DIP2B: variants seen among roughly 807,000 people sequenced by gnomAD.
DIP2B encodes the protein DIP2 acetate--CoA ligase B (putative), also known as disco-interacting protein 2 homolog B.
DIP2B carries 76 observed loss-of-function variants against 198.0 expected under a neutral mutation model. That is an observed-to-expected ratio of 0.38 (90% confidence interval 0.32 to 0.46). DIP2B has a LOEUF of 0.46. DIP2B is among the 20% of genes least tolerant of loss of function. The pLI is 0.99. For synonymous variants in DIP2B, 701 were observed against 739.1 expected (o/e 0.95, Z 0.84); for missense variants, 1,559 against 1,978.4 (o/e 0.79, Z 4.02).
chr12:50,741,432 GTAT>G lies in DIP2B; in HGVS notation c.4372_4374del (p.Tyr1458del). On this transcript the variant is annotated inframe_deletion, in exon 37 of 38. Transcript: ENST00000301180. Reference sequence around the variant, plus strand: ...TTCTGTCAGAGCGTCATGATGCATTGTATGTGGTGGGAGCGCTGGATGAAACAC... The same window carrying G: ...TTCTGTCAGAGCGTCATGATGCATTGGTGGTGGGAGCGCTGGATGAAACAC... 6.2e-7 allele frequency: 1 copy of G among 1,613,982 alleles called. No homozygotes were observed. The highest frequency in any genetic ancestry group is 8.5e-7 in the Non-Finnish European group (1 of 1,179,994).
At position 50,686,555 on chromosome 12, in the gene DIP2B, A is replaced by G; in HGVS notation, c.1442-18A>G. On this transcript the variant is annotated intron_variant, in intron 11 of 37. Transcript: ENST00000301180. ...TGATGGCTTAGGCAATTCAATTTTC[A>G]CTTTGGGTTTGATTTAGGTTGGCCC... 1.2e-6 allele frequency: 2 copies of G among 1,612,724 alleles called. No individual in the cohort carries two copies. The highest frequency in any genetic ancestry group is 1.7e-6 in the Non-Finnish European group (2 of 1,179,170).
At chr12:50,663,690 C>T (rs892788396) in intron 4 of DIP2B, among the ~76,000 whole-genome samples, 1 of 150,864 alleles carries the variant, frequency 6.6e-6, no homozygotes, top group Non-Finnish European at 1.5e-5. Flanking sequence ...TGCAATATAG[C>T]GAGACCCCAT....
At chr12:50,719,613 G>A (rs538994980) in intron 25 of DIP2B, among the ~76,000 whole-genome samples, 19 of 152,112 alleles carry the variant, frequency 1.2e-4, no homozygotes, top group African/African-American at 2.9e-4. Context: ...AGGCCAAGGC[G>A]GGTGGATCAC....
chr12:50,592,665 A>G (rs1958830043), intron 1 of DIP2B, among the ~76,000 whole-genome samples: 1 of 151,604 alleles, frequency 6.6e-6, no homozygotes, highest in South Asian at 2.1e-4. Context: ...TTTAGTAGAG[A>G]TGGGGTTTCA....
At chr12:50,663,365 T>C (rs1020509756) in intron 4 of DIP2B, among the ~76,000 whole-genome samples, 5 of 150,226 alleles carry the variant, frequency 3.3e-5, no homozygotes, top group African/African-American at 9.8e-5. Context: ...GAGACCATCC[T>C]GGCTAACACA....
intron 1 of DIP2B, among the ~76,000 whole-genome samples, chr12:50,588,480 A>C (rs556468549): frequency 7.4e-4 from 113 of 152,286 alleles, no homozygotes; most frequent in African/African-American, 2.7e-3. Context: ...TGTACTGAAC[A>C]CGAGATTGGG....
intron 4 of DIP2B, among the ~76,000 whole-genome samples, chr12:50,661,987 G>A (rs1521517): frequency 1.3e-5 from 2 of 152,074 alleles, no homozygotes; most frequent in African/African-American, 4.8e-5. Flanking sequence ...GGGAATTCAC[G>A]AACTCTAGAA....
intron 35 of DIP2B, among the ~76,000 whole-genome samples, chr12:50,739,037 T>G (rs933924707): frequency 6.6e-6 from 1 of 152,208 alleles, no homozygotes; most frequent in Non-Finnish European, 1.5e-5. Flanking sequence ...TTCGTGGGAC[T>G]CTGGAGGAGA....
intron 2 of DIP2B, among the ~76,000 whole-genome samples, chr12:50,636,769 T>A (rs1938167406): frequency 6.6e-6 from 1 of 152,226 alleles, no homozygotes; most frequent in Non-Finnish European, 1.5e-5. Flanking sequence ...GCTCCTGGTG[T>A]TGGCTCTTTT....
intron 22 of DIP2B, among the ~76,000 whole-genome samples, chr12:50,709,750 A>T (rs1437642332): frequency 6.6e-6 from 1 of 152,084 alleles, no homozygotes; most frequent in Non-Finnish European, 1.5e-5. Flanking sequence ...GCAGTGAGCT[A>T]TGATCATGCC....
chr12:50,699,435 C>T (rs148003202), intron 19 of DIP2B, among the ~76,000 whole-genome samples: 1 of 152,164 alleles, frequency 6.6e-6, no homozygotes, highest in East Asian at 1.9e-4. Flanking sequence ...AATAATTGTA[C>T]CTATGTCATA....
intron 1 of DIP2B, among the ~76,000 whole-genome samples, chr12:50,521,934 C>T (rs1464988715): frequency 1.3e-5 from 2 of 152,038 alleles, no homozygotes; most frequent in East Asian, 3.9e-4. Context: ...TGAGCCACCA[C>T]GCCCAGCCCC....
At position 50,660,099 on chromosome 12, in the gene DIP2B, T is replaced by C. The variant is rs1284867762; in HGVS notation, c.302-95T>C. On this transcript the variant is annotated intron_variant, in intron 3 of 37. Coordinates refer to ENST00000301180, the MANE Select transcript of DIP2B (RefSeq NM_173602.3). ...TGAACGTCCCCTTTACCTTTTTTTT[T>C]TTTTTTAAACAATTGAGGCAGTGAT... 7 of 1,236,616 alleles carry C rather than the reference T, an allele frequency of 5.7e-6. No individual in the cohort carries two copies. In the Admixed American group the frequency reaches 2.1e-4, roughly 37 times the overall value. The allele number at this position is 1,236,616 out of a possible 1,614,324, so 76.6% of individuals were successfully genotyped here. A position where few individuals can be genotyped will look rare whatever the true frequency, so the allele number is the denominator to read the frequency against.
intron 1 of DIP2B, among the ~76,000 whole-genome samples, chr12:50,623,967 T>G (rs1937882056): frequency 6.6e-6 from 1 of 152,212 alleles, no homozygotes; most frequent in Non-Finnish European, 1.5e-5. Flanking sequence ...GCCACTGATA[T>G]AGATGGTCTA....
chr12:50,527,299 T>G (rs1418173568), intron 1 of DIP2B, among the ~76,000 whole-genome samples: 1 of 152,258 alleles, frequency 6.6e-6, no homozygotes, highest in Admixed American at 6.5e-5. Context: ...CATGTCCAAC[T>G]GTACACACAG....
chr12:50,695,232 G>A (rs1939290167), intron 14 of DIP2B, 35 bp from the exon 15 acceptor site: 2 of 1,557,604 alleles, frequency 1.3e-6, no homozygotes, highest in Non-Finnish European at 1.8e-6. Flanking sequence ...TATGTATTTT[G>A]TATTGATTAC....
In DIP2B at chr12:50,690,113, G is replaced by A. The variant is rs547895434; in HGVS notation, c.1552-936G>A. On this transcript the variant is annotated intron_variant, in intron 12 of 37. Coordinates refer to ENST00000301180, the MANE Select transcript of DIP2B (RefSeq NM_173602.3). ...TTTTTTTTTTTTTTTTTGAGACGGA[G>A]TCTCGCTCTGTTGCCCAGGCTGGAG... Among the ~76,000 whole-genome samples, 475 of 148,718 alleles carry A rather than the reference G, an allele frequency of 3.2e-3. 2 individuals carry two copies. The highest frequency in any genetic ancestry group is 0.011 in the African/African-American group (455 of 40,236).
At chr12:50,689,647 T>C (rs543201427) in intron 12 of DIP2B, among the ~76,000 whole-genome samples, 2 of 152,222 alleles carry the variant, frequency 1.3e-5, no homozygotes, top group South Asian at 4.2e-4. Flanking sequence ...GTGATGGATA[T>C]ATGAGTTTCA....
intron 1 of DIP2B, among the ~76,000 whole-genome samples, chr12:50,520,154 C>T (rs762637755): frequency 1.3e-5 from 2 of 151,048 alleles, no homozygotes; most frequent in Non-Finnish European, 2.9e-5. Context: ...TGTCCTGCCT[C>T]AGCCTCCCCA....
Sources: allele counts gnomAD v4.1 joint callset (sites outside exome capture counted in the v4.1 genomes callset), GRCh38; gene constraint gnomAD v4.1.1; transcripts MANE v1.5; gene names NCBI Gene and HGNC (gene_info 2026-07-23, HGNC 2026-07-21).